Variants in AEBP2 observed in about 807,000 individuals in gnomAD.
The protein encoded by AEBP2 is zinc finger protein AEBP2.
A neutral mutation model predicts 50.8 loss-of-function variants in AEBP2; 10 were observed. That is an observed-to-expected ratio of 0.20 (90% CI 0.12 to 0.33). The LOEUF (loss-of-function observed/expected upper bound fraction) is 0.33, where lower values mean the gene tolerates loss of function less well. Ranked by LOEUF, AEBP2 falls within the 10% of genes least tolerant of loss-of-function variation. The pLI is 1.00. For missense variants in AEBP2, 570 were observed against 688.0 expected (o/e 0.83, Z 1.92); for synonymous variants, 296 against 261.3 (o/e 1.13, Z -1.28).
chr12:19,459,059 T>G (rs1177047141), intron 1 of AEBP2, among the ~76,000 whole-genome samples: 1 of 152,184 alleles, frequency 6.6e-6, no homozygotes, highest in Non-Finnish European at 1.5e-5. Flanking sequence ...TGTTTATAAA[T>G]TGGTTATGAT....
intron 6 of AEBP2, among the ~76,000 whole-genome samples, chr12:19,512,667 C>G (rs1174542145): frequency 6.7e-6 from 1 of 149,014 alleles, no homozygotes; most frequent in African/African-American, 2.4e-5. Flanking sequence ...TAAGCCCCCC[C>G]TCTTTTTTTT....
intron 3 of AEBP2, among the ~76,000 whole-genome samples, chr12:19,486,138 C>G (rs1364485883): frequency 6.6e-6 from 1 of 152,032 alleles, no homozygotes; most frequent in East Asian, 1.9e-4. Flanking sequence ...TATCTCTTCT[C>G]CTGCCCTCCA....
intron 1 of AEBP2, chr12:19,456,537 G>A: frequency 6.5e-7 from 1 of 1,529,544 alleles, no homozygotes; most frequent in South Asian, 1.1e-5. Context: ...TGCAGTGTGA[G>A]CCGTGTGGCA....
intron 5 of AEBP2, among the ~76,000 whole-genome samples, chr12:19,504,268 T>A (rs1483717309): frequency 6.6e-6 from 1 of 151,468 alleles, no homozygotes; most frequent in African/African-American, 2.4e-5. Flanking sequence ...GGAGTCTTGC[T>A]CTGTCGCCCA....
chr12:19,432,780 G>A (rs1265246425), intron 1 of AEBP2, among the ~76,000 whole-genome samples: 2 of 152,084 alleles, frequency 1.3e-5, no homozygotes, highest in Middle Eastern at 3.2e-3. Context: ...AGAGGAAGGG[G>A]TCCTGGGAGA....
chr12:19,444,117 T>C (rs1038148780), intron 1 of AEBP2, among the ~76,000 whole-genome samples: 3 of 152,298 alleles, frequency 2.0e-5, no homozygotes, highest in Middle Eastern at 3.4e-3. Context: ...AAAAAAGTTA[T>C]GCTCTTAGGT....
chr12:19,511,039 G>A (rs1291195678), intron 5 of AEBP2, among the ~76,000 whole-genome samples: 2 of 151,568 alleles, frequency 1.3e-5, no homozygotes, highest in East Asian at 1.9e-4. Context: ...ATCTCCCTAT[G>A]TTGCCTAGGC....
intron 3 of AEBP2, among the ~76,000 whole-genome samples, chr12:19,475,795 T>C (rs1948641196): frequency 6.6e-6 from 1 of 152,164 alleles, no homozygotes; most frequent in Non-Finnish European, 1.5e-5. Flanking sequence ...ATTGTAGGAA[T>C]AAGGTGGTAT....
chr12:19,489,879 T>A (rs906281087), intron 3 of AEBP2, among the ~76,000 whole-genome samples: 30 of 151,970 alleles, frequency 2.0e-4, no homozygotes, highest in Admixed American at 1.3e-4. Flanking sequence ...TGTTTTTTTT[T>A]AATGATTTTT....
chr12:19,515,185 C>T (rs1001787433), intron 7 of AEBP2, among the ~76,000 whole-genome samples: 7 of 152,026 alleles, frequency 4.6e-5, no homozygotes, highest in Non-Finnish European at 8.8e-5. Context: ...CCAAACTTTC[C>T]AAAAGAGCAA....
chr12:19,450,595 T>G (rs1948150321), intron 1 of AEBP2, among the ~76,000 whole-genome samples: 1 of 137,740 alleles, frequency 7.3e-6, no homozygotes, highest in African/African-American at 2.8e-5. Context: ...TTTGGGAGGC[T>G]GAGGAGGGAG....
intron 4 of AEBP2, among the ~76,000 whole-genome samples, chr12:19,494,307 T>C (rs1360035357): frequency 6.6e-6 from 1 of 152,048 alleles, no homozygotes. Context: ...AAAGTAAATA[T>C]CAAGTGAAAG....
intron 5 of AEBP2, among the ~76,000 whole-genome samples, chr12:19,503,905 C>T (rs966053933): frequency 6.6e-6 from 1 of 151,986 alleles, no homozygotes; most frequent in African/African-American, 2.4e-5. Context: ...AAACATGGCT[C>T]ACTGTAGCCT....
chr12:19,412,691 C>T (rs533411354), intron 1 of AEBP2, among the ~76,000 whole-genome samples: 8 of 152,162 alleles, frequency 5.3e-5, no homozygotes, highest in South Asian at 2.1e-4. Context: ...GCCTCGGCCT[C>T]GCAAAGTGCT....
intron 4 of AEBP2, among the ~76,000 whole-genome samples, chr12:19,498,781 A>C (rs1949023162): frequency 6.6e-6 from 1 of 152,178 alleles, no homozygotes; most frequent in South Asian, 2.1e-4. Flanking sequence ...GTTCTTACCA[A>C]ATTAAATCTT....
intron 1 of AEBP2, among the ~76,000 whole-genome samples, chr12:19,415,303 T>C (rs1213009674): frequency 4.8e-5 from 5 of 104,556 alleles, no homozygotes; most frequent in Non-Finnish European, 3.5e-5. Flanking sequence ...ATAGACGGAA[T>C]GAGACCCTGT....
At chr12:19,462,066 T>C (rs1446316450) in intron 1 of AEBP2, among the ~76,000 whole-genome samples, 3 of 152,194 alleles carry the variant, frequency 2.0e-5, no homozygotes, top group African/African-American at 7.2e-5. Context: ...TTCAGATTAA[T>C]GAATAGAAGA....
intron 7 of AEBP2, among the ~76,000 whole-genome samples, chr12:19,516,236 T>A (rs1411456751): frequency 2.6e-5 from 4 of 152,210 alleles, no homozygotes; most frequent in African/African-American, 9.6e-5. Context: ...TACTTCTCTA[T>A]AAAGAAAAAT....
chr12:19,466,905 A>G (rs1172387421), intron 2 of AEBP2: 2 of 707,786 alleles, frequency 2.8e-6, no homozygotes, highest in South Asian at 6.4e-5. Flanking sequence ...TCATTCCACT[A>G]TAATCTTTGC....
Sources: gnomAD v4.1 joint callset for allele counts (sites outside exome capture counted in the v4.1 genomes callset) on GRCh38, gnomAD v4.1.1 for gene constraint, MANE v1.5 for transcripts, NCBI Gene and HGNC (gene_info 2026-07-23, HGNC 2026-07-21) for gene names.